OCIAD2: variants seen among roughly 807,000 people sequenced by gnomAD.
The protein encoded by OCIAD2 is OCIA domain-containing protein 2.
Under a neutral mutation model 22.9 loss-of-function variants are expected in OCIAD2, and 29 were observed. That is an observed-to-expected ratio of 1.27 (90% CI 0.94 to 1.73). OCIAD2 has a LOEUF of 1.73. Ranked by LOEUF, OCIAD2 falls within the 40% of genes most tolerant of loss-of-function variation. The pLI is 0.00. For synonymous variants in OCIAD2, 67 were observed against 60.2 expected, an observed-to-expected ratio of 1.11 and a Z score of -0.52; for missense variants, 189 against 180.3, an observed-to-expected ratio of 1.05 and a Z score of -0.28.
intron 6 of OCIAD2, among the ~76,000 whole-genome samples, chr4:48,886,961 T>C (rs1208388064): frequency 4.6e-5 from 7 of 152,146 alleles, no homozygotes; most frequent in Admixed American, 4.6e-4. Flanking sequence ...CCACCAACAG[T>C]GTAAAAGTGT....
intron 4 of OCIAD2, 60 bp downstream of exon 4, chr4:48,897,744 G>T: frequency 1.6e-6 from 2 of 1,280,372 alleles, no homozygotes; most frequent in East Asian, 2.3e-5. Flanking sequence ...AAGCTGCCAG[G>T]AGGGTCACAG....
intron 2 of OCIAD2, among the ~76,000 whole-genome samples, chr4:48,903,626 A>C (rs1781463808): frequency 6.6e-6 from 1 of 151,872 alleles, no homozygotes; most frequent in Admixed American, 6.6e-5. Flanking sequence ...AGGAAAGAGT[A>C]AAGAAAGGGT....
chr4:48,887,607 T>C (rs1161537117), intron 6 of OCIAD2, among the ~76,000 whole-genome samples: 2 of 152,200 alleles, frequency 1.3e-5, no homozygotes, highest in Non-Finnish European at 2.9e-5. Flanking sequence ...CCTTTCCCCA[T>C]TTCTTGTTTT....
At chr4:48,889,196 A>G (rs998185155) in intron 6 of OCIAD2, among the ~76,000 whole-genome samples, 5 of 152,040 alleles carry the variant, frequency 3.3e-5, no homozygotes, top group African/African-American at 1.2e-4. Flanking sequence ...CCCCTTTATC[A>G]CTTTTTATTG....
chr4:48,885,765 C>T (rs1409035389), intron 6 of OCIAD2, among the ~76,000 whole-genome samples, 200 bp from the exon 7 acceptor site: 1 of 152,184 alleles, frequency 6.6e-6, no homozygotes, highest in East Asian at 1.9e-4. Context: ...AGACTACAGG[C>T]ATGAACCACT....
Position 48,899,914 on chromosome 4 carries a change from A to G in OCIAD2, c.78T>C (p.Phe26=). The G allele has an allele frequency of 6.2e-7, 1 of 1,613,094 alleles. No homozygotes were observed. Among genetic ancestry groups the G allele is most frequent in the Admixed American group, 1.7e-5 (1 of 59,982 alleles). ...FPPPSKQSLL[F]CPKSKLHIHR... is the part of the protein sequence containing the mutation. ...GGATGTGCAGTTTTGATTTTGGACAAAACAACAGGCTCTGTAAGGAAAGTT... is the reference window on the plus strand; with the variant it reads ...GGATGTGCAGTTTTGATTTTGGACAGAACAACAGGCTCTGTAAGGAAAGTT... The change falls in exon 3 of 7, where the codon TTT becomes TTC. Residue 26 remains phenylalanine, a synonymous_variant. Transcript: ENST00000508632.
intron 2 of OCIAD2, among the ~76,000 whole-genome samples, chr4:48,904,077 A>G (rs1407681059): frequency 6.6e-6 from 1 of 152,192 alleles, no homozygotes; most frequent in Non-Finnish European, 1.5e-5. Flanking sequence ...CCAGACTGAA[A>G]AAAATAAGAT....
In OCIAD2 at chr4:48,903,635, G is replaced by GTT. The variant is rs35445469; in HGVS notation, c.66+847_66+848dup. Among the ~76,000 whole-genome samples, 212 of 133,496 alleles carry GTT rather than the reference G, an allele frequency of 1.6e-3. 3 individuals are homozygous for GTT. Among genetic ancestry groups the GTT allele is most frequent in the Non-Finnish European group, 2.1e-3 (129 of 62,040 alleles). The allele number at this position is 133,496 out of a possible 152,430, so 87.6% of individuals were successfully genotyped here. A position where few individuals can be genotyped will look rare whatever the true frequency, so the allele number is the denominator to read the frequency against. ...ACAAACAGGAAAGAGTAAAGAAAGG[G>GTT]TTTTTTTTTTTTTTTTTTTTCTTTT... On this transcript the variant is annotated intron_variant, in intron 2 of 6. Coordinates refer to ENST00000508632, the MANE Select transcript of OCIAD2 (RefSeq NM_001014446.3).
Position 48,885,522 on chromosome 4 carries a change from A to G in OCIAD2, c.427T>C (p.Leu143=), listed in dbSNP as rs1560454626. ...TCEECKIKHG[L]SEKGDSQPSA... The stretch of plus-strand genomic sequence containing the variant: ...GGCTGAGAGTCTCCCTTCTCACTTA[A>G]TCCATGCTTTATTTTGCATTCCTCA... Residue 143 remains leucine, a synonymous_variant, in exon 7 of 7, where the codon TTA becomes CTA. Coordinates refer to ENST00000508632, the MANE Select transcript of OCIAD2 (RefSeq NM_001014446.3). 9 of 1,611,740 alleles carry G rather than the reference A, an allele frequency of 5.6e-6. No individual in the cohort carries two copies. The highest frequency in any genetic ancestry group is 7.6e-6 in the Non-Finnish European group (9 of 1,177,934).
chr4:48,900,722 T>A (rs1176381892), intron 2 of OCIAD2, among the ~76,000 whole-genome samples: 1 of 151,384 alleles, frequency 6.6e-6, no homozygotes, highest in African/African-American at 2.4e-5. Flanking sequence ...AGACTCTACC[T>A]TCCAGGTTCA....
chr4:48,901,729 C>T (rs1338765598), intron 2 of OCIAD2, among the ~76,000 whole-genome samples: 2 of 151,884 alleles, frequency 1.3e-5, no homozygotes, highest in South Asian at 4.2e-4. Flanking sequence ...ATAACATTTG[C>T]CATTTTGACC....
intron 4 of OCIAD2, among the ~76,000 whole-genome samples, chr4:48,896,971 G>A (rs912353382): frequency 6.6e-6 from 1 of 152,186 alleles, no homozygotes; most frequent in Non-Finnish European, 1.5e-5. Flanking sequence ...GTTATGTGGT[G>A]AGATGCAAGG....
chr4:48,896,669 C>CGTGCCT (rs1781308353), intron 4 of OCIAD2, among the ~76,000 whole-genome samples: 2 of 152,122 alleles, frequency 1.3e-5, no homozygotes, highest in African/African-American at 4.8e-5. Context: ...CATGGTGGCA[C>CGTGCCT]GTGCCTATAA....
At chr4:48,904,699 G>T (rs759624897) in intron 1 of OCIAD2, 88 bp from the exon 2 acceptor site, 1 of 727,784 alleles carries the variant, frequency 1.4e-6, no homozygotes, top group Non-Finnish European at 2.3e-6. Context: ...GGAGTTATTT[G>T]GAAAATGTGT....
rs1026883786 is a variant in OCIAD2, at chr4:48,904,759, C to T, written c.-62-148G>A. On this transcript the variant is annotated intron_variant, in intron 1 of 6. Transcript: ENST00000508632. ...TGCAAACTCAACTTCCAGTGCTCCTCTTCCACCAGCACACATACATGCACT... is the reference window on the plus strand; with the variant it reads ...TGCAAACTCAACTTCCAGTGCTCCTTTTCCACCAGCACACATACATGCACT... 5 of 604,802 alleles carry T rather than the reference C, an allele frequency of 8.3e-6. No homozygotes were observed. In the African/African-American group the frequency reaches 9.3e-5, roughly 11 times the overall value. 37.5% of individuals were successfully genotyped at this position (604,802 alleles called of 1,614,324 possible).
intron 4 of OCIAD2, among the ~76,000 whole-genome samples, chr4:48,895,801 G>A (rs1429182122): frequency 1.3e-5 from 2 of 152,012 alleles, no homozygotes; most frequent in East Asian, 1.9e-4. Flanking sequence ...ATCACTTGAG[G>A]TGGGCAGATC....
At chr4:48,894,515 T>C (rs1560458916) in intron 4 of OCIAD2, among the ~76,000 whole-genome samples, 1 of 151,836 alleles carries the variant, frequency 6.6e-6, no homozygotes, top group Non-Finnish European at 1.5e-5. Context: ...CTTAAAGGAG[T>C]TATGATTCAA....
chr4:48,904,769 C>T, intron 1 of OCIAD2, 158 bp from the exon 2 acceptor site: 2 of 602,360 alleles, frequency 3.3e-6, no homozygotes, highest in South Asian at 3.9e-5. Context: ...CTTCCACCAG[C>T]ACACATACAT....
chr4:48,899,787 T>C (rs1227946170), intron 3 of OCIAD2, 42 bp downstream of exon 3: 1 of 1,337,810 alleles, frequency 7.5e-7, no homozygotes, highest in Non-Finnish European at 1.1e-6. Flanking sequence ...ATATGATATT[T>C]AGGCAGTTTA....
Sources: allele counts gnomAD v4.1 joint callset (sites outside exome capture counted in the v4.1 genomes callset), GRCh38; gene constraint gnomAD v4.1.1; transcripts MANE v1.5; gene names NCBI Gene and HGNC (gene_info 2026-07-23, HGNC 2026-07-21).